NR3C2: variants seen among roughly 807,000 people sequenced by gnomAD.
NR3C2 encodes the protein nuclear receptor subfamily 3 group C member 2, also known as mineralocorticoid receptor.
A neutral mutation model predicts 86.4 loss-of-function variants in NR3C2; 15 were observed. The observed-to-expected ratio is 0.17, with a 90% CI of 0.12 to 0.27. The LOEUF (loss-of-function observed/expected upper bound fraction) is 0.27. Ranked by LOEUF, NR3C2 falls within the 10% of genes least tolerant of loss-of-function variation. NR3C2 has a pLI of 1.00. For synonymous variants in NR3C2, 458 were observed against 450.5 expected (o/e 1.02, Z -0.21); for missense variants, 960 against 1,195.6 (o/e 0.80, Z 2.91).
chr4:148,089,981 A>G (rs539671280), intron 8 of NR3C2, among the ~76,000 whole-genome samples: 1 of 152,326 alleles, frequency 6.6e-6, no homozygotes, highest in East Asian at 1.9e-4. Flanking sequence ...GGCAGTATCA[A>G]CCACCACAAG....
In NR3C2 at chr4:148,142,638, G is replaced by A. The variant is rs6827966; in HGVS notation, c.2510+9831C>T. Among the ~76,000 whole-genome samples, 386 of 152,286 alleles carry A rather than the reference G, an allele frequency of 2.5e-3. 3 individuals carry two copies. The highest frequency in any genetic ancestry group is 8.8e-3 in the African/African-American group (365 of 41,550). On this transcript the variant is annotated intron_variant, in intron 6 of 8. Transcript: ENST00000358102. Reference sequence around the variant, plus strand: ...GCCTCCTGAGTAGCTGGGACCACAGGTGTGCACCACCACGCCAGACTAATT... The same window carrying A: ...GCCTCCTGAGTAGCTGGGACCACAGATGTGCACCACCACGCCAGACTAATT...
chr4:148,202,737 A>G (rs1162245888), intron 3 of NR3C2, among the ~76,000 whole-genome samples: 1 of 152,158 alleles, frequency 6.6e-6, no homozygotes, highest in Non-Finnish European at 1.5e-5. Context: ...ACCCATACAG[A>G]GTGAGCTCCT....
chr4:148,232,776 T>C (rs554748204), intron 3 of NR3C2, among the ~76,000 whole-genome samples: 2 of 152,348 alleles, frequency 1.3e-5, no homozygotes, highest in Non-Finnish European at 2.9e-5. Flanking sequence ...TCATCAATTA[T>C]CTTAGCTCAA....
chr4:148,086,141 G>A (rs910053475), intron 8 of NR3C2, among the ~76,000 whole-genome samples: 17 of 152,042 alleles, frequency 1.1e-4, no homozygotes, highest in African/African-American at 3.4e-4. Flanking sequence ...GGCCAGCATC[G>A]TCCTGATACC....
intron 2 of NR3C2, among the ~76,000 whole-genome samples, chr4:148,267,199 T>G (rs1740440669): frequency 6.6e-6 from 1 of 152,240 alleles, no homozygotes; most frequent in African/African-American, 2.4e-5. Context: ...CAAGAACACT[T>G]GGAACAGTGT....
At chr4:148,234,494 AC>A (rs1478997600) in intron 3 of NR3C2, among the ~76,000 whole-genome samples, 1 of 151,830 alleles carries the variant, frequency 6.6e-6, no homozygotes, top group Non-Finnish European at 1.5e-5. Context: ...ACACGGTGAA[AC>A]CCCGTATTTG....
At chr4:148,120,606 C>A (rs994745505) in intron 6 of NR3C2, among the ~76,000 whole-genome samples, 2 of 152,282 alleles carry the variant, frequency 1.3e-5, no homozygotes, top group East Asian at 1.9e-4. Context: ...TAGTGTGTTA[C>A]AGTGAGACCA....
chr4:148,099,426 C>T (rs943336527), intron 8 of NR3C2, among the ~76,000 whole-genome samples: 1 of 152,226 alleles, frequency 6.6e-6, no homozygotes, highest in African/African-American at 2.4e-5. Flanking sequence ...TCAGGTGCTT[C>T]TTTCCCTCCT....
At chr4:148,312,095 T>A (rs1165826955) in intron 2 of NR3C2, among the ~76,000 whole-genome samples, 1 of 152,226 alleles carries the variant, frequency 6.6e-6, no homozygotes, top group Non-Finnish European at 1.5e-5. Context: ...GTTTATTGTG[T>A]AGTGGTGTAC....
chr4:148,289,273 CA>C (rs34696054), intron 2 of NR3C2, among the ~76,000 whole-genome samples: 43,283 of 130,592 alleles, frequency 0.33, 6,632 homozygotes, highest in Middle Eastern at 0.49. Flanking sequence ...TATTTACAGC[CA>C]AAAAAAAAAA....
intron 4 of NR3C2, among the ~76,000 whole-genome samples, chr4:148,164,940 G>T (rs1734816537): frequency 6.6e-6 from 1 of 152,110 alleles, no homozygotes; most frequent in Non-Finnish European, 1.5e-5. Context: ...AACCTACAGT[G>T]GTAGAAATGT....
chr4:148,199,195 G>GT (rs1736593465), intron 3 of NR3C2, among the ~76,000 whole-genome samples: 1 of 151,912 alleles, frequency 6.6e-6, no homozygotes, highest in Admixed American at 6.6e-5. Context: ...TCGCCTTTGA[G>GT]TAGGAAGGCC....
At chr4:148,304,040 A>G (rs1742476474) in intron 2 of NR3C2, among the ~76,000 whole-genome samples, 1 of 152,228 alleles carries the variant, frequency 6.6e-6, no homozygotes, top group Admixed American at 6.5e-5. Context: ...CAAGGGGAAG[A>G]GAAAAGAACC....
intron 6 of NR3C2, among the ~76,000 whole-genome samples, chr4:148,137,053 A>C (rs1733380107): frequency 6.6e-6 from 1 of 152,220 alleles, no homozygotes; most frequent in Non-Finnish European, 1.5e-5. Flanking sequence ...ATTTATTCTC[A>C]CTTTAGGGGA....
rs116334332 is a variant in NR3C2 at position 148,438,213 on chromosome 4, G to A, written c.-2-1351C>T. On this transcript the variant is annotated intron_variant, in intron 1 of 8. Transcript: ENST00000358102. ...GAGGTCAATAATGCATTGCTAAGGCGTTTAGCAGTATCCCTAACCCCTACC... is the reference window on the plus strand; with the variant it reads ...GAGGTCAATAATGCATTGCTAAGGCATTTAGCAGTATCCCTAACCCCTACC... 4.6e-3 allele frequency among the ~76,000 whole-genome samples: 707 copies of A among 152,192 alleles called. 1 individual carries two copies. Among genetic ancestry groups the A allele is most frequent in the African/African-American group, 0.015 (642 of 41,508 alleles).
intron 6 of NR3C2, among the ~76,000 whole-genome samples, chr4:148,120,853 AT>A: frequency 6.6e-6 from 1 of 152,324 alleles, no homozygotes; most frequent in East Asian, 1.9e-4. Flanking sequence ...GTCAAATGGA[AT>A]TTTTCTGATA....
At chr4:148,191,010 T>A (rs1736170564) in intron 4 of NR3C2, among the ~76,000 whole-genome samples, 1 of 152,240 alleles carries the variant, frequency 6.6e-6, no homozygotes, top group African/African-American at 2.4e-5. Flanking sequence ...GTTGCATTCA[T>A]CATGCTCTTT....
intron 2 of NR3C2, among the ~76,000 whole-genome samples, chr4:148,357,216 T>C (rs942224696): frequency 2.6e-5 from 4 of 152,154 alleles, no homozygotes; most frequent in Admixed American, 2.0e-4. Context: ...TACATGTTCT[T>C]TTATTTTATA....
intron 2 of NR3C2, among the ~76,000 whole-genome samples, chr4:148,274,948 T>C (rs1457881902): frequency 6.6e-6 from 1 of 152,080 alleles, no homozygotes; most frequent in Non-Finnish European, 1.5e-5. Flanking sequence ...TCCACTTGCC[T>C]CCGCCTCCCA....
Sources: allele counts gnomAD v4.1 joint callset (sites outside exome capture counted in the v4.1 genomes callset), GRCh38; gene constraint gnomAD v4.1.1; transcripts MANE v1.5; gene names NCBI Gene and HGNC (gene_info 2026-07-23, HGNC 2026-07-21).